The following CRADD variants were observed in gnomAD, a reference collection of about 807,000 sequenced individuals.
The protein encoded by CRADD is death domain-containing protein CRADD.
Under a neutral mutation model 15.5 loss-of-function variants are expected in CRADD, and 9 were observed. The ratio of observed to expected loss-of-function variants is 0.58; its 90% CI spans 0.35 to 1.01. The LOEUF (loss-of-function observed/expected upper bound fraction) is 1.01. Ranked by LOEUF, CRADD falls within the 50% of genes least tolerant of loss-of-function variation. CRADD has a pLI of 0.02. For synonymous variants in CRADD, 118 were observed against 107.6 expected (o/e 1.10, Z -0.60); for missense variants, 227 against 250.3 (o/e 0.91, Z 0.63).
intron 2 of CRADD, among the ~76,000 whole-genome samples, chr12:93,749,930 T>G (rs1284385110): frequency 6.6e-6 from 1 of 152,210 alleles, no homozygotes; most frequent in Admixed American, 6.5e-5. Context: ...CTAAAACAGC[T>G]CCTTGTACAT....
At chr12:93,736,468 C>G (rs1956571752) in intron 2 of CRADD, among the ~76,000 whole-genome samples, 3 of 152,162 alleles carry the variant, frequency 2.0e-5, no homozygotes, top group Admixed American at 2.0e-4. Context: ...AACTTTTCCT[C>G]TAGTTATTTC....
intron 2 of CRADD, among the ~76,000 whole-genome samples, chr12:93,734,485 A>G (rs1010967426): frequency 6.6e-6 from 1 of 152,166 alleles, no homozygotes; most frequent in Admixed American, 6.5e-5. Flanking sequence ...CAAGTTTTTC[A>G]TTAATGAAAC....
In CRADD at chr12:93,679,038, G is replaced by T. The variant is rs776780462; in HGVS notation, c.264G>T (p.Lys88Asn). The change falls in exon 2 of 3, where the codon AAG (lysine) becomes AAT (asparagine). Residue 88 changes from lysine (K) to asparagine (N), a missense_variant. Coordinates refer to ENST00000332896, the MANE Select transcript of CRADD (RefSeq NM_003805.5). The part of the protein sequence containing the change: ...EFPWVREKLK[K>N]AREEAMTDLP... ...CCTGGGTCAGGGAGAAGCTGAAGAA[G>T]GCAAGGGAAGAGGCCATGACCGACC... 6.2e-7 allele frequency: 1 copy of T among 1,613,964 alleles called. No homozygotes were observed. The highest frequency in any genetic ancestry group is 1.3e-5 in the African/African-American group (1 of 74,934).
At chr12:93,820,140 T>G (rs1328174220) in intron 2 of CRADD, among the ~76,000 whole-genome samples, 2 of 152,204 alleles carry the variant, frequency 1.3e-5, no homozygotes, top group African/African-American at 4.8e-5. Context: ...AGATGTCCAT[T>G]CTACCTCCTC....
intron 2 of CRADD, among the ~76,000 whole-genome samples, chr12:93,733,150 G>A (rs144949269): frequency 1.5e-4 from 23 of 152,266 alleles, no homozygotes; most frequent in African/African-American, 5.5e-4. Flanking sequence ...TATCATTATT[G>A]TTATAAAGCT....
intron 2 of CRADD, among the ~76,000 whole-genome samples, chr12:93,748,751 T>C (rs1172177126): frequency 6.6e-6 from 1 of 152,238 alleles, no homozygotes; most frequent in East Asian, 1.9e-4. Flanking sequence ...TTGGCTTTGG[T>C]AAATCCTAAG....
At position 93,825,549 on chromosome 12, in the gene CRADD, G is replaced by A. The variant is rs182291654; in HGVS notation, c.299-24421G>A. Among the ~76,000 whole-genome samples the A allele has an allele frequency of 3.2e-4, 49 of 152,314 alleles. No individual in the cohort carries two copies. The East Asian group carries it at 7.5e-3, about 23-fold the overall frequency. ...TCTCTGAACTGGAAGGGGCTGTGTT[G>A]GAAACTGTTTCTAAGCTTGGAATGG... On this transcript the variant is annotated intron_variant, in intron 2 of 2. Transcript: ENST00000332896.
At chr12:93,756,905 G>A (rs930471510) in intron 2 of CRADD, among the ~76,000 whole-genome samples, 3 of 152,086 alleles carry the variant, frequency 2.0e-5, no homozygotes, top group Non-Finnish European at 4.4e-5. Context: ...GAAGTCTTGA[G>A]CACTGTCTTG....
chr12:93,685,013 G>C (rs1046751370), intron 2 of CRADD, among the ~76,000 whole-genome samples: 2 of 152,226 alleles, frequency 1.3e-5, no homozygotes, highest in Admixed American at 1.3e-4. Flanking sequence ...ATACGTGGAT[G>C]TGGGATTAAG....
intron 2 of CRADD, among the ~76,000 whole-genome samples, chr12:93,796,220 A>G (rs1220335060): frequency 6.6e-6 from 1 of 152,170 alleles, no homozygotes; most frequent in Non-Finnish European, 1.5e-5. Context: ...TTTTTCTGCC[A>G]TAGCCAACAG....
chr12:93,790,912 G>GACACACACACACACACACACACACAC (rs58305551), intron 2 of CRADD, among the ~76,000 whole-genome samples: 2 of 144,740 alleles, frequency 1.4e-5, no homozygotes, highest in South Asian at 2.3e-4. Context: ...CCATATACAT[G>GACACACACACACACACACACACACAC]ACACACACAC....
intron 2 of CRADD, among the ~76,000 whole-genome samples, chr12:93,768,170 T>C (rs1328433102): frequency 1.3e-5 from 2 of 152,324 alleles, no homozygotes; most frequent in Admixed American, 1.3e-4. Flanking sequence ...AATAGAGTTG[T>C]TGCCACTAAA....
At chr12:93,807,849 T>G (rs570462934) in intron 2 of CRADD, among the ~76,000 whole-genome samples, 1 of 152,144 alleles carries the variant, frequency 6.6e-6, no homozygotes, top group South Asian at 2.1e-4. Context: ...AGGCACTGTT[T>G]AGGTACTTGG....
At chr12:93,699,368 T>C (rs1955786885) in intron 2 of CRADD, among the ~76,000 whole-genome samples, 1 of 152,218 alleles carries the variant, frequency 6.6e-6, no homozygotes, top group Admixed American at 6.5e-5. Context: ...GATAAAACCC[T>C]TTTGTGCTCT....
chr12:93,724,462 A>G (rs1271715260), intron 2 of CRADD, among the ~76,000 whole-genome samples: 3 of 151,996 alleles, frequency 2.0e-5, no homozygotes, highest in Non-Finnish European at 2.9e-5. Flanking sequence ...CAGAGGCATC[A>G]GTTTACCTTG....
chr12:93,764,886 C>T (rs1957010294), intron 2 of CRADD, among the ~76,000 whole-genome samples: 2 of 151,422 alleles, frequency 1.3e-5, no homozygotes, highest in African/African-American at 4.9e-5. Flanking sequence ...AGGATAAATA[C>T]CTCTGTATCC....
chr12:93,883,565 C>T (rs1958516757), intron 2 of CRADD, among the ~76,000 whole-genome samples: 1 of 152,142 alleles, frequency 6.6e-6, no homozygotes, highest in African/African-American at 2.4e-5. Context: ...CTCCTGTAAT[C>T]CCAGCACTTT....
chr12:93,697,235 A>G (rs954050977), intron 2 of CRADD, among the ~76,000 whole-genome samples: 1 of 152,192 alleles, frequency 6.6e-6, no homozygotes, highest in African/African-American at 2.4e-5. Context: ...GGGTGAAGTA[A>G]TTAAGTCATA....
At chr12:93,825,804 CTT>C (rs1957817313) in intron 2 of CRADD, among the ~76,000 whole-genome samples, 1 of 152,226 alleles carries the variant, frequency 6.6e-6, no homozygotes, top group Non-Finnish European at 1.5e-5. Flanking sequence ...CTCTCCCTAA[CTT>C]TTCAGACCCT....
Sources: gnomAD v4.1 joint callset for allele counts (sites outside exome capture counted in the v4.1 genomes callset) on GRCh38, gnomAD v4.1.1 for gene constraint, MANE v1.5 for transcripts, NCBI Gene and HGNC (gene_info 2026-07-23, HGNC 2026-07-21) for gene names.